The following SF1 variants were observed in gnomAD, a reference collection of about 807,000 sequenced individuals.
SF1 encodes the protein branch point-binding protein.
SF1 carries 7 observed loss-of-function variants against 62.5 expected under a neutral mutation model. That is an observed-to-expected ratio of 0.11 (90% CI 0.06 to 0.21). SF1 has a LOEUF of 0.21. SF1 is among the 10% of genes least tolerant of loss of function. The pLI, the probability that SF1 is intolerant of heterozygous loss-of-function variation, is 1.00. For synonymous variants in SF1, 394 were observed against 323.6 expected, an observed-to-expected ratio of 1.22 and a Z score of -2.33; for missense variants, 578 against 884.0, an observed-to-expected ratio of 0.65 and a Z score of 4.39.
intron 2 of SF1, among the ~76,000 whole-genome samples, chr11:64,774,971 A>AG (rs1938938148): frequency 1.3e-5 from 2 of 152,158 alleles, no homozygotes; most frequent in Admixed American, 6.5e-5. Flanking sequence ...CAAAAAAAAA[A>AG]AAAAAAAGAT....
chr11:64,778,163 G>C, intron 1 of SF1, 199 bp downstream of exon 1: 1 of 894,602 alleles, frequency 1.1e-6, no homozygotes. Flanking sequence ...GGGAGGCGGA[G>C]GGGGCGGCGG....
rs968838266 is a variant in SF1, at chr11:64,772,969, T to C, written c.236+461A>G. On this transcript the variant is annotated intron_variant, in intron 3 of 12. Transcript: ENST00000377390. ...TGATTTTGAAACCATCTCAAAACCA[T>C]GAGCAGGAAGACTGCAGCAATGAGC... The C allele has an allele frequency of 4.0e-6, 4 of 988,712 alleles. 1 individual carries two copies. The highest frequency in any genetic ancestry group is 4.8e-6 in the Non-Finnish European group (4 of 831,782). 61.2% of individuals were successfully genotyped at this position (988,712 alleles called of 1,614,324 possible). A position where few individuals can be genotyped will look rare whatever the true frequency, so the allele number is the denominator to read the frequency against.
In SF1 at chr11:64,765,853, G is replaced by A. The variant is rs756759825; in HGVS notation, c.1885C>T (p.Pro629Ser). The A allele has an allele frequency of 1.9e-6, 3 of 1,557,914 alleles. No individual in the cohort carries two copies. The highest frequency in any genetic ancestry group is 1.7e-6 in the Non-Finnish European group (2 of 1,151,470). The stretch of plus-strand genomic sequence containing the variant: ...GGTGGAGGCGGTGGGGGAGCTGGAG[G>A]CATCCCGAAGGGCGGCATGCCCGCC... ...GVAGMPPFGMPPAPPPPPPQN is the reference protein window; with the variant it reads ...GVAGMPPFGMSPAPPPPPPQN Residue 629 changes from proline to serine, a missense_variant, in exon 13 of 13, where the codon CCT (proline) becomes TCT (serine). Physicochemically the swap from Pro to Ser is moderately conservative, Grantham distance 74. Coordinates refer to ENST00000377390, the MANE Select transcript of SF1 (RefSeq NM_004630.4).
At position 64,766,544 on chromosome 11, in the gene SF1, G is replaced by A. The variant is rs2058684071; in HGVS notation, c.1582+356C>T. On this transcript the variant is annotated intron_variant, in intron 12 of 12. Coordinates refer to ENST00000377390, the MANE Select transcript of SF1 (RefSeq NM_004630.4). ...ACCTCTGCAGTCTCTCACCCCAATC[G>A]CAGCCCTTGCCAGAGCAAGCATGCA... The A allele has an allele frequency of 4.4e-5, 18 of 409,134 alleles. No homozygotes were observed. The South Asian group carries it at 5.8e-4, about 13-fold the overall frequency. The allele number at this position is 409,134 out of a possible 1,614,324, so 25.3% of individuals were successfully genotyped here.
chr11:64,770,460 C>T, intron 3 of SF1, 52 bp from the exon 4 acceptor site: 2 of 1,586,510 alleles, frequency 1.3e-6, no homozygotes, highest in Non-Finnish European at 1.7e-6. Context: ...CTCTCATTCC[C>T]ACACGGACTA....
chr11:64,773,066 G>A, intron 3 of SF1: 1 of 1,121,456 alleles, frequency 8.9e-7, no homozygotes, highest in Non-Finnish European at 1.1e-6. Context: ...CTGTGTACCT[G>A]TGAGAAAAAC....
chr11:64,778,278 C>T lies in SF1; in HGVS notation c.31+84G>A, dbSNP rs1228345607. The T allele has an allele frequency of 9.9e-6, 12 of 1,212,480 alleles. No individual in the cohort carries two copies. In the African/African-American group the frequency reaches 1.3e-4, roughly 13 times the overall value. The allele number at this position is 1,212,480 out of a possible 1,614,324, so 75.1% of individuals were successfully genotyped here. Reference sequence around the variant, plus strand: ...GGCCCGGGAGCCAGCAGCCCCGCCCCAGGCCCGGGTGCAGGCGGAGGGCCC... The same window carrying T: ...GGCCCGGGAGCCAGCAGCCCCGCCCTAGGCCCGGGTGCAGGCGGAGGGCCC... On this transcript the variant is annotated intron_variant, in intron 1 of 12. Transcript: ENST00000377390.
At chr11:64,777,599 G>A (rs574142790) in intron 1 of SF1, 169 of 985,338 alleles carry the variant, frequency 1.7e-4, no homozygotes, top group Admixed American at 2.5e-4. Flanking sequence ...GTCGCTGCAC[G>A]TCATCAGGTG....
Position 64,776,377 on chromosome 11 carries a change from C to T in SF1, c.160+121G>A, listed in dbSNP as rs780538035. On this transcript the variant is annotated intron_variant, in intron 2 of 12. Coordinates refer to ENST00000377390, the MANE Select transcript of SF1 (RefSeq NM_004630.4). ...AAAAACTGACAGATGATACCAAAGT[C>T]GTGAAAGTATCTCATCTCAAAAAAG... The T allele has an allele frequency of 5.6e-6, 6 of 1,076,276 alleles. 1 individual carries two copies. The South Asian group carries it at 6.6e-5, about 12-fold the overall frequency. 66.7% of individuals were successfully genotyped at this position (1,076,276 alleles called of 1,614,324 possible). A position where few individuals can be genotyped will look rare whatever the true frequency, so the allele number is the denominator to read the frequency against.
In SF1 at chr11:64,778,052, G is replaced by A. The variant is rs986550641; in HGVS notation, c.31+310C>T. 33 of 1,010,556 alleles carry A rather than the reference G, an allele frequency of 3.3e-5. No homozygotes were observed. Among genetic ancestry groups the A allele is most frequent in the Middle Eastern group, 4.8e-4 (1 of 2,082 alleles). 62.6% of individuals were successfully genotyped at this position (1,010,556 alleles called of 1,614,324 possible). ...CGGCGGCTGGGGTGGCGGCGGCTGCGGCGGCGACACGCGCTGGTAGAGCGG... is the reference window on the plus strand; with the variant it reads ...CGGCGGCTGGGGTGGCGGCGGCTGCAGCGGCGACACGCGCTGGTAGAGCGG... On this transcript the variant is annotated intron_variant, in intron 1 of 12. Coordinates refer to ENST00000377390, the MANE Select transcript of SF1 (RefSeq NM_004630.4).
At chr11:64,777,025 G>A (rs1939385063) in intron 1 of SF1, among the ~76,000 whole-genome samples, 1 of 152,126 alleles carries the variant, frequency 6.6e-6, no homozygotes, top group African/African-American at 2.4e-5. Flanking sequence ...GATGGGACTG[G>A]GGGCTCCACC....
At chr11:64,778,022 T>A in intron 1 of SF1, 1 of 1,006,062 alleles carries the variant, frequency 9.9e-7, no homozygotes, top group Non-Finnish European at 1.2e-6. Flanking sequence ...CTGCTGGTCC[T>A]TACGCGGCGG....
Position 64,773,306 on chromosome 11 carries a change from A to C in SF1, c.236+124T>G, listed in dbSNP as rs182114116. ...TTTCTAATTAAACCTTAATCCCCAAAGTGGTCAGGGTACAGTCGTCATACT... is the reference window on the plus strand; with the variant it reads ...TTTCTAATTAAACCTTAATCCCCAACGTGGTCAGGGTACAGTCGTCATACT... On this transcript the variant is annotated intron_variant, in intron 3 of 12. Transcript: ENST00000377390. The C allele has an allele frequency of 1.2e-4, 180 of 1,475,014 alleles. 3 individuals carry two copies. The East Asian group carries it at 4.8e-3, about 39-fold the overall frequency. The allele number at this position is 1,475,014 out of a possible 1,614,324, so 91.4% of individuals were successfully genotyped here.
At chr11:64,772,743 G>C in intron 3 of SF1, 1 of 985,280 alleles carries the variant, frequency 1.0e-6, no homozygotes, top group Non-Finnish European at 1.2e-6. Flanking sequence ...TCTGAGGTGA[G>C]AGAAACTGCA....
Position 64,768,176 on chromosome 11 carries a change from G to A in SF1, c.998C>T (p.Ser333Phe). The A allele has an allele frequency of 1.2e-6, 2 of 1,614,040 alleles. No homozygotes were observed. Among genetic ancestry groups the A allele is most frequent in the Non-Finnish European group, 1.7e-6 (2 of 1,179,962 alleles). ...APVPASVGST[S>F]GPATTPLASA... is the part of the protein sequence containing the mutation. ...GGCCAGGGGTGTGGTGGCAGGCCCA[G>A]AGGTGGAGCCCACAGATGCTGGGAC... The change falls in exon 9 of 13, where the codon TCT becomes TTT. Residue 333 changes from serine to phenylalanine, a missense_variant. Around this residue, in one of 7 missense-constraint regions of SF1, gnomAD observed 410 missense variants for 452.4 expected, o/e 0.91. Transcript: ENST00000377390.
Position 64,767,089 on chromosome 11 carries a change from G to A in SF1, c.1403-10C>T, listed in dbSNP as rs529894821. The A allele has an allele frequency of 1.6e-5, 26 of 1,603,440 alleles. No homozygotes were observed. Among genetic ancestry groups the A allele is most frequent in the Admixed American group, 1.0e-4 (6 of 59,270 alleles). ...GGTGGCGGCATCATACCTGTGGACA[G>A]GTGGAGGCAAAGATGAGGCCTCAGG... On this transcript the variant is annotated splice_polypyrimidine_tract_variant and intron_variant, in intron 11 of 12. Transcript: ENST00000377390.
chr11:64,767,571 C>T lies in SF1; in HGVS notation c.1342G>A (p.Asp448Asn). ...PPGHHGPPPM[D>N]QYLGSTPVGS... is the part of the protein sequence containing the mutation. ...GGTTTCTGGTCTGACACTTACTTAC[C>T]CATTGGAGGAGGGCCATGGTGCCCA... The change falls in exon 10 of 13, where the codon GAT becomes AAT. Residue 448 changes from aspartate (D) to asparagine (N), a missense_variant and splice_region_variant. Physicochemically the swap from Asp to Asn is conservative, Grantham distance 23 (BLOSUM62 1). Transcript: ENST00000377390. 1 of 1,550,668 alleles carries T rather than the reference C, an allele frequency of 6.4e-7. No individual in the cohort carries two copies. Among genetic ancestry groups the T allele is most frequent in the Non-Finnish European group, 8.7e-7 (1 of 1,152,016 alleles).
At chr11:64,767,495 T>G (rs2058762861) in intron 10 of SF1, 76 bp downstream of exon 10, 2 of 1,432,330 alleles carry the variant, frequency 1.4e-6, no homozygotes, top group Non-Finnish European at 1.9e-6. Context: ...GAGAGCTGCT[T>G]CTAGCCAACA....
intron 8 of SF1, among the ~76,000 whole-genome samples, chr11:64,768,651 C>T (rs1471605715): frequency 6.6e-6 from 1 of 152,226 alleles, no homozygotes; most frequent in African/African-American, 2.4e-5. Flanking sequence ...CTAAACAAAA[C>T]CTTACATATT....
Sources: allele counts gnomAD v4.1 joint callset (sites outside exome capture counted in the v4.1 genomes callset), GRCh38; gene constraint gnomAD v4.1.1; regional missense constraint gnomAD v4.1.1; transcripts MANE v1.5; gene names NCBI Gene and HGNC (gene_info 2026-07-23, HGNC 2026-07-21).